Variants in TRANK1 observed in about 807,000 individuals in gnomAD.
TRANK1 encodes the protein TPR and ankyrin repeat-containing protein 1.
In TRANK1, 198 loss-of-function variants were observed where a neutral mutation model predicts 266.0. The observed-to-expected ratio is 0.74, with a 90% CI of 0.66 to 0.84. TRANK1 has a LOEUF of 0.84. Ranked by LOEUF, TRANK1 falls within the 40% of genes least tolerant of loss-of-function variation. The pLI, the probability that TRANK1 is intolerant of heterozygous loss-of-function variation, is 0.00. For missense variants in TRANK1, 3,326 were observed against 3,634.6 expected (o/e 0.92, Z 2.18); for synonymous variants, 1,396 against 1,384.1 (o/e 1.01, Z -0.19).
Position 36,846,219 on chromosome 3 carries a change from C to G in TRANK1, c.5191+29G>C, listed in dbSNP as rs1009434686. On this transcript the variant is annotated intron_variant, in intron 17 of 23. Coordinates refer to ENST00000645898, the MANE Select transcript of TRANK1 (RefSeq NM_001329998.2). ...GTTGAGAGAAACACGATTCCTCCATCAGTTAAGAGTATTTTAACAGGATCT... is the reference window on the plus strand; with the variant it reads ...GTTGAGAGAAACACGATTCCTCCATGAGTTAAGAGTATTTTAACAGGATCT... The G allele has an allele frequency of 2.6e-6, 4 of 1,535,846 alleles. No homozygotes were observed. In the African/African-American group the frequency reaches 4.1e-5, roughly 16 times the overall value.
intron 8 of TRANK1, among the ~76,000 whole-genome samples, chr3:36,875,503 T>C (rs2079374671): frequency 6.6e-6 from 1 of 152,186 alleles, no homozygotes; most frequent in Non-Finnish European, 1.5e-5. Flanking sequence ...GATGAGAACA[T>C]AGCCAAAGCC....
intron 9 of TRANK1, among the ~76,000 whole-genome samples, chr3:36,873,751 G>A (rs749386341): frequency 1.3e-5 from 2 of 151,868 alleles, no homozygotes; most frequent in African/African-American, 4.8e-5. Flanking sequence ...AGAGATGTAC[G>A]TGTATTTTAA....
intron 3 of TRANK1, among the ~76,000 whole-genome samples, chr3:36,901,055 C>T (rs2079873438): frequency 6.7e-6 from 1 of 148,858 alleles, no homozygotes; most frequent in South Asian, 2.1e-4. Context: ...TCTAACTAGG[C>T]AAGCTGATAA....
intron 18 of TRANK1, among the ~76,000 whole-genome samples, chr3:36,840,274 A>G (rs1019478370): frequency 2.0e-5 from 3 of 152,168 alleles, no homozygotes; most frequent in Non-Finnish European, 2.9e-5. Flanking sequence ...ACAACGGCCA[A>G]ACATTCAGTG....
In TRANK1 at chr3:36,832,899, C is replaced by T. The variant is rs781180688; in HGVS notation, c.6684G>A (p.Leu2228=). 1 of 1,613,776 alleles carries T rather than the reference C, an allele frequency of 6.2e-7. No individual in the cohort carries two copies. Among genetic ancestry groups the T allele is most frequent in the Non-Finnish European group, 8.5e-7 (1 of 1,179,790 alleles). The change falls in exon 22 of 24, where the codon TTG becomes TTA. Residue 2228 remains leucine (L), a synonymous_variant. Transcript: ENST00000645898. The part of the protein sequence containing the change: ...AKCLVQSKMN[L]VAINGLLLEA... ...CCAAAAGCAACCCGTTGATTGCCACCAAGTTCATTTTCGACTGAACTAAAC... is the reference window on the plus strand; with the variant it reads ...CCAAAAGCAACCCGTTGATTGCCACTAAGTTCATTTTCGACTGAACTAAAC...
chr3:36,900,921 T>C (rs887595925), intron 3 of TRANK1, among the ~76,000 whole-genome samples: 1 of 146,618 alleles, frequency 6.8e-6, no homozygotes, highest in Non-Finnish European at 1.5e-5. Flanking sequence ...AGGAAGTACT[T>C]TAAAACTCCA....
At chr3:36,866,115 A>AGAAAGAAG (rs1553622475) in intron 9 of TRANK1, among the ~76,000 whole-genome samples, 1 of 150,342 alleles carries the variant, frequency 6.7e-6, no homozygotes, top group African/African-American at 2.5e-5. Context: ...AAAGAAAGAA[A>AGAAAGAAG]GAGTCACCGA....
intron 1 of TRANK1, among the ~76,000 whole-genome samples, chr3:36,936,890 T>G (rs1039964456): frequency 6.6e-6 from 1 of 152,106 alleles, no homozygotes; most frequent in African/African-American, 2.4e-5. Flanking sequence ...TCACCTGAGG[T>G]CAGAAGTTCG....
chr3:36,834,574 G>A (rs1481072604), intron 21 of TRANK1, 188 bp downstream of exon 21: 12 of 577,460 alleles, frequency 2.1e-5, no homozygotes, highest in Non-Finnish European at 3.5e-5. Flanking sequence ...AGCTTATAAA[G>A]AGACTGGAAA....
chr3:36,932,062 T>G (rs1559480404), intron 1 of TRANK1, among the ~76,000 whole-genome samples: 1 of 152,262 alleles, frequency 6.6e-6, no homozygotes, highest in Non-Finnish European at 1.5e-5. Flanking sequence ...CAAAAGAGCT[T>G]TAGTGCAGTT....
chr3:36,881,279 C>G (rs1261167056), intron 8 of TRANK1, among the ~76,000 whole-genome samples: 1 of 151,964 alleles, frequency 6.6e-6, no homozygotes, highest in Non-Finnish European at 1.5e-5. Context: ...TGGTAAAACC[C>G]CATCTCTACT....
intron 8 of TRANK1, among the ~76,000 whole-genome samples, chr3:36,878,232 CTAACT>C (rs963571789): frequency 7.2e-5 from 11 of 152,192 alleles, no homozygotes; most frequent in Admixed American, 3.3e-4. Flanking sequence ...TCTTGAGAAT[CTAACT>C]AATGCCTGGC....
intron 3 of TRANK1, among the ~76,000 whole-genome samples, chr3:36,900,873 A>AAAAAAAAAAAAAAAAAT: frequency 6.7e-6 from 1 of 148,180 alleles, no homozygotes; most frequent in Admixed American, 6.8e-5. Flanking sequence ...AAAAAAAAAA[A>AAAAAAAAAAAAAAAAAT]AAAGATAACA....
rs768820117 is a variant in TRANK1, at chr3:36,857,867, T to C, written c.1855A>G (p.Ile619Val). ...KLLDLLVKFD[I>V]NFNLKNKEGK... is the part of the protein sequence containing the mutation. ...TCTTTGTTCTTCAGATTGAAGTTGA[T>C]GTCAAACTTCACCAGCAGGTCTAAC... Residue 619 changes from isoleucine (I) to valine (V), a missense_variant, in exon 13 of 24, where the codon ATC becomes GTC. Transcript: ENST00000645898. This position sits in a 1 kb window ranked among gnomAD's most constrained non-coding sequence, Gnocchi z 4.3. The C allele has an allele frequency of 4.3e-6, 7 of 1,613,486 alleles. No homozygotes were observed. In the South Asian group the frequency reaches 7.7e-5, roughly 18 times the overall value.
intron 9 of TRANK1, among the ~76,000 whole-genome samples, chr3:36,866,150 T>A (rs2079224818): frequency 6.6e-6 from 1 of 151,710 alleles, no homozygotes; most frequent in Non-Finnish European, 1.5e-5. Flanking sequence ...AAATGACAAA[T>A]TTTTTTTATT....
At chr3:36,851,358 T>G in intron 15 of TRANK1, 1 of 1,018,354 alleles carries the variant, frequency 9.8e-7, no homozygotes, top group Non-Finnish European at 1.2e-6. Flanking sequence ...AGGGTGGACA[T>G]TGCTAACCTT....
intron 17 of TRANK1, 61 bp from the exon 18 acceptor site, chr3:36,842,771 T>C (rs958807596): frequency 6.1e-6 from 9 of 1,467,328 alleles, no homozygotes; most frequent in South Asian, 1.2e-5. Flanking sequence ...AAAACTGTTG[T>C]TATGGGCTGA....
chr3:36,887,364 A>T (rs942816951), intron 8 of TRANK1, among the ~76,000 whole-genome samples: 17 of 152,210 alleles, frequency 1.1e-4, no homozygotes, highest in Non-Finnish European at 7.3e-5. Context: ...TCACTTCCTA[A>T]TAATTTTTAC....
intron 1 of TRANK1, among the ~76,000 whole-genome samples, chr3:36,940,217 G>T (rs1338707688): frequency 6.6e-6 from 1 of 151,334 alleles, no homozygotes; most frequent in Non-Finnish European, 1.5e-5. Flanking sequence ...CTGCTCCTTG[G>T]CCGGGCGCAG....
Sources: allele counts gnomAD v4.1 joint callset (sites outside exome capture counted in the v4.1 genomes callset), GRCh38; gene constraint gnomAD v4.1.1; non-coding constraint Gnocchi (gnomAD v3.1); transcripts MANE v1.5; gene names NCBI Gene and HGNC (gene_info 2026-07-23, HGNC 2026-07-21).